SLC2A5: variants seen among roughly 807,000 people sequenced by gnomAD.
The protein encoded by SLC2A5 is solute carrier family 2, facilitated glucose transporter member 5.
SLC2A5 carries 56 observed loss-of-function variants against 50.3 expected under a neutral mutation model. The observed-to-expected ratio is 1.11, with a 90% CI of 0.90 to 1.39. The LOEUF is 1.39. SLC2A5 is among the 40% of genes most tolerant of loss of function. The pLI is 0.00. For missense variants in SLC2A5, 566 were observed against 650.1 expected, an observed-to-expected ratio of 0.87 and a Z score of 1.41; for synonymous variants, 269 against 281.9, an observed-to-expected ratio of 0.95 and a Z score of 0.46.
At chr1:9,069,449 C>A in intron 1 of SLC2A5, 55 bp downstream of exon 1, 1 of 1,592,620 alleles carries the variant, frequency 6.3e-7, no homozygotes, top group Non-Finnish European at 8.6e-7. Context: ...GAAGGCTGCA[C>A]AGGCCCTGGC....
intron 1 of SLC2A5, among the ~76,000 whole-genome samples, chr1:9,066,400 A>C (rs1642084224): frequency 6.6e-6 from 1 of 151,920 alleles, no homozygotes; most frequent in South Asian, 2.1e-4. Context: ...ATGCCCAGCT[A>C]ATTTTTGTAC....
At chr1:9,059,040 G>A (rs149365861) in intron 1 of SLC2A5, among the ~76,000 whole-genome samples, 1 of 151,990 alleles carries the variant, frequency 6.6e-6, no homozygotes, top group African/African-American at 2.4e-5. Context: ...AGCTGCAGAG[G>A]TGAATCTGCT....
chr1:9,061,694 C>T (rs188267408), intron 1 of SLC2A5, among the ~76,000 whole-genome samples: 3 of 152,132 alleles, frequency 2.0e-5, no homozygotes, highest in African/African-American at 7.2e-5. Context: ...CAGCTCTTGA[C>T]CACTCCCTCA....
At chr1:9,088,731 C>T (rs368905887), upstream of SLC2A5, among the ~76,000 whole-genome samples, 5 of 152,010 alleles carry the variant, frequency 3.3e-5, no homozygotes, top group African/African-American at 1.2e-4. Flanking sequence ...TGCAGTGAGC[C>T]GAGATCGCGC....
At chr1:9,058,059 C>T in intron 2 of SLC2A5, 93 bp downstream of exon 2, 1 of 870,952 alleles carries the variant, frequency 1.1e-6, no homozygotes, top group South Asian at 1.4e-5. Context: ...CTTCAGGACC[C>T]ACTGCGTGAA....
intron 2 of SLC2A5, among the ~76,000 whole-genome samples, chr1:9,074,676 T>TC (rs57316045): frequency 1 from 152,250 of 152,250 alleles, 76,125 homozygotes; most frequent in Non-Finnish European, 1. Flanking sequence ...TATTTTCCTT[T>TC]ACACAACATA....
At chr1:9,072,796 C>CAAAAAA (rs59542603), upstream of SLC2A5, among the ~76,000 whole-genome samples, 226 of 124,234 alleles carry the variant, frequency 1.8e-3, 2 homozygotes, top group East Asian at 0.017. Flanking sequence ...CTAAAAATGC[C>CAAAAAA]AAAAAAAAAA....
rs548714414 is a variant in SLC2A5 at position 9,081,496 on chromosome 1, A to G, written c.-59+3518T>C. ...AAAAAAAAAAAAAAAAAAAGTAAAA[A>G]GACAAGAGACTAGAAGAAAAATTTT... On this transcript the variant is annotated intron_variant, in intron 2 of 5. Transcript: ENST00000464985. Among the ~76,000 whole-genome samples, 418 of 151,190 alleles carry G rather than the reference A, an allele frequency of 2.8e-3. 2 individuals are homozygous for G. The highest frequency in any genetic ancestry group is 4.3e-3 in the Non-Finnish European group (293 of 67,756).
At chr1:9,039,294 G>A (rs548090176) in intron 8 of SLC2A5, among the ~76,000 whole-genome samples, 2 of 152,308 alleles carry the variant, frequency 1.3e-5, no homozygotes, top group East Asian at 3.9e-4. Context: ...GCCCGGGCTC[G>A]GAGCCACCCA....
intron 1 of SLC2A5, among the ~76,000 whole-genome samples, chr1:9,064,936 C>T (rs780947546): frequency 1.3e-5 from 2 of 151,836 alleles, no homozygotes; most frequent in Non-Finnish European, 2.9e-5. Context: ...GTCTGTAATC[C>T]CAGCTACTCG....
chr1:9,087,207 TC>T (rs1371115928), intron 1 of SLC2A5, among the ~76,000 whole-genome samples: 3 of 140,154 alleles, frequency 2.1e-5, no homozygotes, highest in African/African-American at 8.4e-5. Flanking sequence ...CTTACTTCTT[TC>T]TTTTTTTTTT....
upstream of SLC2A5, among the ~76,000 whole-genome samples, chr1:9,089,331 T>C (rs773181012): frequency 1.7e-4 from 26 of 152,310 alleles, no homozygotes; most frequent in Non-Finnish European, 2.6e-4. Context: ...TCACACCTCA[T>C]TGAAGCTATG....
intron 2 of SLC2A5, among the ~76,000 whole-genome samples, chr1:9,083,911 G>A (rs1274836874): frequency 3.9e-5 from 6 of 152,142 alleles, no homozygotes; most frequent in African/African-American, 7.2e-5. Context: ...TTGGGAGGCC[G>A]AGGCGGGCGG....
intron 1 of SLC2A5, among the ~76,000 whole-genome samples, chr1:9,087,804 G>C (rs898187330): frequency 6.6e-6 from 1 of 152,164 alleles, no homozygotes; most frequent in East Asian, 1.9e-4. Context: ...GCCCGCAACA[G>C]GTATTTCGCT....
At chr1:9,067,363 G>C (rs1244303967) in intron 1 of SLC2A5, among the ~76,000 whole-genome samples, 1 of 152,258 alleles carries the variant, frequency 6.6e-6, no homozygotes, top group Non-Finnish European at 1.5e-5. Flanking sequence ...GCAGGCAGCT[G>C]GGTCAGCCCA....
At chr1:9,041,086 A>C in intron 5 of SLC2A5, 2 of 295,146 alleles carry the variant, frequency 6.8e-6, no homozygotes, top group Non-Finnish European at 6.2e-6. Flanking sequence ...CACTTTCTAC[A>C]GAGAGTGTCT....
rs369610248 is a variant in SLC2A5, at chr1:9,047,782, T to C, written c.294-48A>G. 8 of 1,598,096 alleles carry C rather than the reference T, an allele frequency of 5.0e-6. No individual in the cohort carries two copies. The African/African-American group carries it at 9.4e-5, about 19-fold the overall frequency. On this transcript the variant is annotated intron_variant, in intron 3 of 11. Coordinates refer to ENST00000377424, the MANE Select transcript of SLC2A5 (RefSeq NM_003039.3). ...TAGTTTTGCTGAAGAATTCACTCTT[T>C]CATTCAAGAAATGTTTCTGGAGTGT...
intron 3 of SLC2A5, among the ~76,000 whole-genome samples, chr1:9,050,745 T>C (rs1456282246): frequency 1.3e-5 from 2 of 151,982 alleles, no homozygotes; most frequent in Non-Finnish European, 2.9e-5. Context: ...GGTTAGAAAA[T>C]ATAAAATCTT....
intron 8 of SLC2A5, 122 bp from the exon 9 acceptor site, chr1:9,039,051 C>T: frequency 8.7e-7 from 1 of 1,149,866 alleles, no homozygotes; most frequent in Admixed American, 2.5e-5. Context: ...TGCACGCACA[C>T]TCACATTCAC....
Sources: gnomAD v4.1 joint callset for allele counts (sites outside exome capture counted in the v4.1 genomes callset) on GRCh38, gnomAD v4.1.1 for gene constraint, MANE v1.5 for transcripts, NCBI Gene and HGNC (gene_info 2026-07-23, HGNC 2026-07-21) for gene names.